The following RIMS2 variants were observed in gnomAD, a reference collection of about 807,000 sequenced individuals.
RIMS2 encodes regulating synaptic membrane exocytosis 2.
A neutral mutation model predicts 174.4 loss-of-function variants in RIMS2; 59 were observed. That is an observed-to-expected ratio of 0.34 (90% confidence interval 0.27 to 0.42). The LOEUF is 0.42. RIMS2 is among the 10% of genes least tolerant of loss of function. The pLI, the probability that RIMS2 is intolerant of heterozygous loss-of-function variation, is 1.00. For synonymous variants in RIMS2, 606 were observed against 572.5 expected (o/e 1.06, Z -0.84); for missense variants, 1,620 against 1,666.3 (o/e 0.97, Z 0.48).
At chr8:103,542,807 A>G (rs1250565755) in intron 1 of RIMS2, among the ~76,000 whole-genome samples, 1 of 152,204 alleles carries the variant, frequency 6.6e-6, no homozygotes, top group East Asian at 1.9e-4. Context: ...AAAGCATTTG[A>G]AAAAACTGAG....
intron 3 of RIMS2, among the ~76,000 whole-genome samples, chr8:103,770,102 T>C (rs1303980101): frequency 1.3e-5 from 2 of 152,232 alleles, no homozygotes; most frequent in East Asian, 3.8e-4. Context: ...TTGAATTTCT[T>C]CCCTTACAGC....
intron 16 of RIMS2, among the ~76,000 whole-genome samples, chr8:103,984,771 C>T (rs1320818641): frequency 6.6e-6 from 1 of 152,166 alleles, no homozygotes; most frequent in Non-Finnish European, 1.5e-5. Flanking sequence ...CAGTACTGTT[C>T]ACAATAGCCA....
At chr8:103,854,838 A>G (rs1480544855) in intron 3 of RIMS2, among the ~76,000 whole-genome samples, 10 of 151,808 alleles carry the variant, frequency 6.6e-5, no homozygotes, top group Non-Finnish European at 1.5e-4. Flanking sequence ...TTCTCGTGGT[A>G]TATATGTCAG....
intron 12 of RIMS2, among the ~76,000 whole-genome samples, chr8:103,933,852 AT>A (rs1466735834): frequency 3.9e-5 from 6 of 152,118 alleles, no homozygotes; most frequent in African/African-American, 7.2e-5. Flanking sequence ...TGAATTATTA[AT>A]TTTTTTGACA....
chr8:103,581,783 A>T (rs998636035), intron 1 of RIMS2, among the ~76,000 whole-genome samples: 7 of 152,218 alleles, frequency 4.6e-5, no homozygotes, highest in African/African-American at 1.4e-4. Context: ...CATCTCCCCC[A>T]TAAGGATACC....
intron 19 of RIMS2, among the ~76,000 whole-genome samples, chr8:104,084,123 G>C (rs2097485785): frequency 6.6e-6 from 1 of 151,908 alleles, no homozygotes; most frequent in African/African-American, 2.4e-5. Context: ...ACTTTCCTTA[G>C]TATCAAGTAT....
intron 13 of RIMS2, among the ~76,000 whole-genome samples, chr8:103,937,052 C>T (rs1045752380): frequency 4.0e-5 from 6 of 151,440 alleles, no homozygotes; most frequent in African/African-American, 9.7e-5. Context: ...GAGCCGAGAT[C>T]GCGCCACTGC....
At chr8:104,151,472 G>A (rs1478584875) in intron 19 of RIMS2, among the ~76,000 whole-genome samples, 1 of 152,084 alleles carries the variant, frequency 6.6e-6, no homozygotes, top group African/African-American at 2.4e-5. Flanking sequence ...TGGAGGCTGA[G>A]GCATGAGAAT....
At chr8:103,859,866 A>G (rs1215353125) in intron 3 of RIMS2, among the ~76,000 whole-genome samples, 1 of 152,044 alleles carries the variant, frequency 6.6e-6, no homozygotes, top group African/African-American at 2.4e-5. Context: ...AGAATAGGGC[A>G]TGGGCTTTTT....
chr8:103,511,345 C>T (rs1414327969), intron 1 of RIMS2, among the ~76,000 whole-genome samples: 3 of 152,072 alleles, frequency 2.0e-5, no homozygotes, highest in African/African-American at 7.2e-5. Flanking sequence ...TTTTCATATG[C>T]AGTATTTTCA....
chr8:103,641,337 A>T (rs1374812499), intron 1 of RIMS2, among the ~76,000 whole-genome samples: 1 of 152,134 alleles, frequency 6.6e-6, no homozygotes, highest in East Asian at 1.9e-4. Context: ...TGTCATTGGG[A>T]TGCTCATCAC....
chr8:103,606,017 T>C (rs2095058708), intron 1 of RIMS2, among the ~76,000 whole-genome samples: 3 of 145,942 alleles, frequency 2.1e-5, no homozygotes, highest in Non-Finnish European at 4.5e-5. Context: ...CTGCTCTGAT[T>C]TTAGTTATTT....
intron 3 of RIMS2, among the ~76,000 whole-genome samples, chr8:103,872,044 G>A (rs758891405): frequency 6.6e-6 from 1 of 152,156 alleles, no homozygotes; most frequent in Non-Finnish European, 1.5e-5. Context: ...GCAGTGATGT[G>A]CTGGTAAATA....
intron 19 of RIMS2, among the ~76,000 whole-genome samples, chr8:104,184,381 A>G (rs2098957169): frequency 6.6e-6 from 1 of 151,554 alleles, no homozygotes; most frequent in Non-Finnish European, 1.5e-5. Context: ...ACTCAAATTC[A>G]TGTGTAAACA....
chr8:104,245,010 C>G (rs1322061806), exon 20 of RIMS2: 1 of 1,613,846 alleles, frequency 6.2e-7, no homozygotes, highest in South Asian at 1.1e-5. Context: ...GACAGGCAAG[C>G]CGAGAGTCTA....
chr8:103,845,777 A>G (rs181268942), intron 3 of RIMS2, among the ~76,000 whole-genome samples: 62 of 152,222 alleles, frequency 4.1e-4, no homozygotes, highest in Admixed American at 1.8e-3. Flanking sequence ...CCAGTTTTTT[A>G]TGGTAGTTCA....
intron 19 of RIMS2, among the ~76,000 whole-genome samples, chr8:104,114,219 T>C (rs2131937142): frequency 6.6e-6 from 1 of 152,152 alleles, no homozygotes; most frequent in East Asian, 1.9e-4. Context: ...AAACAACACC[T>C]AAGAGAAATT....
chr8:103,531,508 G>A (rs957929796), intron 1 of RIMS2, among the ~76,000 whole-genome samples: 1 of 152,190 alleles, frequency 6.6e-6, no homozygotes, highest in African/African-American at 2.4e-5. Flanking sequence ...CACCTGGAGA[G>A]GGCATGGGAG....
chr8:104,147,198 CTCT>C (rs2098647933), intron 19 of RIMS2, among the ~76,000 whole-genome samples: 1 of 152,150 alleles, frequency 6.6e-6, no homozygotes, highest in Middle Eastern at 3.4e-3. Context: ...CTCTTCTCTT[CTCT>C]TCTTTTCTCT....
Sources: gnomAD v4.1 joint callset for allele counts (sites outside exome capture counted in the v4.1 genomes callset) on GRCh38, gnomAD v4.1.1 for gene constraint, MANE v1.5 for transcripts, NCBI Gene and HGNC (gene_info 2026-07-23, HGNC 2026-07-21) for gene names.